The following DSC1 variants were observed in gnomAD, a reference collection of about 807,000 sequenced individuals.
The protein encoded by DSC1 is desmocollin-1.
A neutral mutation model predicts 98.8 loss-of-function variants in DSC1; 79 were observed. That is an observed-to-expected ratio of 0.80 (90% CI 0.67 to 0.96). DSC1 has a LOEUF of 0.96. Among genes scored for constraint, DSC1 ranks in the 50% least tolerant of loss-of-function variants. The pLI is 0.00. For missense variants in DSC1, 1,115 were observed against 1,075.9 expected, an observed-to-expected ratio of 1.04 and a Z score of -0.51; for synonymous variants, 405 against 372.1, an observed-to-expected ratio of 1.09 and a Z score of -1.02.
chr18:31,137,382 A>G (rs139165041), intron 11 of DSC1, among the ~76,000 whole-genome samples: 3 of 152,296 alleles, frequency 2.0e-5, no homozygotes, highest in Admixed American at 1.3e-4. Context: ...CTACATTAAA[A>G]TCAGTTTTCC....
At chr18:31,132,796 G>T in intron 13 of DSC1, 107 bp from the exon 14 acceptor site, 1 of 1,025,408 alleles carries the variant, frequency 9.8e-7, no homozygotes, top group Non-Finnish European at 1.4e-6. Context: ...TCCACAAATT[G>T]AGCTCTTCAG....
Position 31,130,339 on chromosome 18 carries a change from T to C in DSC1, c.*175A>G. 2 of 681,376 alleles carry C rather than the reference T, an allele frequency of 2.9e-6. No individual in the cohort carries two copies. Among genetic ancestry groups the C allele is most frequent in the South Asian group, 4.0e-5 (2 of 49,936 alleles). 42.2% of individuals were successfully genotyped at this position (681,376 alleles called of 1,614,324 possible). On this transcript the variant is annotated 3_prime_UTR_variant, in exon 16 of 16. Coordinates refer to ENST00000257198, the MANE Select transcript of DSC1 (RefSeq NM_024421.2). Reference sequence around the variant, plus strand: ...ACAAAACCTTGATTTCTAGAGAACATGGAAGTTATACCAGACAAGGAGAAT... The same window carrying C: ...ACAAAACCTTGATTTCTAGAGAACACGGAAGTTATACCAGACAAGGAGAAT...
chr18:31,154,434 T>A (rs1989055460), intron 5 of DSC1, among the ~76,000 whole-genome samples: 1 of 152,174 alleles, frequency 6.6e-6, no homozygotes, highest in African/African-American at 2.4e-5. Flanking sequence ...CTCACATGAC[T>A]TATAATGTAC....
chr18:31,157,412 G>T lies in DSC1; in HGVS notation c.310C>A (p.Gln104Lys). ...GACAGTACAACTTTTATCTCTTGTT[G>T]TTCCCGTCTCTGACCATCTGAAAGG... ...IFLSDGQRRE[Q>K]QEIKVVLSAR... The change falls in exon 3 of 16, where the codon CAA (glutamine) becomes AAA (lysine). Residue 104 changes from glutamine to lysine, a missense_variant. Coordinates refer to ENST00000257198, the MANE Select transcript of DSC1 (RefSeq NM_024421.2). 2 of 1,614,088 alleles carry T rather than the reference G, an allele frequency of 1.2e-6. No homozygotes were observed. The highest frequency in any genetic ancestry group is 8.5e-7 in the Non-Finnish European group (1 of 1,179,992).
rs1568002827 is a variant in DSC1 at position 31,150,354 on chromosome 18, C to CCATCATCACCACCACCATCAGCAGCAG, written c.628-1713_628-1712insCTGCTGCTGATGGTGGTGGTGATGATG. Reference sequence around the variant, plus strand: ...ACCACCACTACCATCACCACCACCACCACCATCATCACCACCACCATCATC... The same window carrying CCATCATCACCACCACCATCAGCAGCAG: ...ACCACCACTACCATCACCACCACCACCATCATCACCACCACCATCAGCAGCAGCACCATCATCACCACCACCATCATC... On this transcript the variant is annotated intron_variant, in intron 5 of 15. Coordinates refer to ENST00000257198, the MANE Select transcript of DSC1 (RefSeq NM_024421.2). 4.5e-5 allele frequency among the ~76,000 whole-genome samples: 4 copies of CCATCATCACCACCACCATCAGCAGCAG among 88,352 alleles called. 1 individual carries two copies. Among genetic ancestry groups the CCATCATCACCACCACCATCAGCAGCAG allele is most frequent in the African/African-American group, 4.5e-5 (1 of 22,236 alleles). 58.0% of individuals were successfully genotyped at this position (88,352 alleles called of 152,430 possible). A position where few individuals can be genotyped will look rare whatever the true frequency, so the allele number is the denominator to read the frequency against.
Position 31,129,437 on chromosome 18 carries a change from T to C in DSC1, c.*1077A>G, listed in dbSNP as rs1466933463. 1 of 152,050 alleles carries C rather than the reference T, an allele frequency of 6.6e-6. No individual in the cohort carries two copies. Among genetic ancestry groups the C allele is most frequent in the African/African-American group, 2.4e-5 (1 of 41,406 alleles). The allele number at this position is 152,050 out of a possible 1,614,324, so 9.4% of individuals were successfully genotyped here. Reference sequence around the variant, plus strand: ...TTTAGTAGAGTGGGGGTTTCTCATATACATTCTAGTCCCTAATTCTGACTG... The same window carrying C: ...TTTAGTAGAGTGGGGGTTTCTCATACACATTCTAGTCCCTAATTCTGACTG... On this transcript the variant is annotated 3_prime_UTR_variant, in exon 16 of 16. Transcript: ENST00000257198.
intron 2 of DSC1, among the ~76,000 whole-genome samples, chr18:31,159,046 G>GGTTTTTTTTTTTT (rs1989154641): frequency 1.6e-5 from 1 of 64,208 alleles, no homozygotes; most frequent in Non-Finnish European, 2.8e-5. Flanking sequence ...GCTACTATGT[G>GGTTTTTTTTTTTT]GTTTTTTTTT....
chr18:31,156,592 A>G (rs1340616990), intron 3 of DSC1, among the ~76,000 whole-genome samples: 1 of 152,224 alleles, frequency 6.6e-6, no homozygotes, highest in African/African-American at 2.4e-5. Context: ...TTGATTTTAT[A>G]TAATGTGGGG....
In DSC1 at chr18:31,142,008, A is replaced by G. The variant is rs764774038; in HGVS notation, c.1251T>C (p.Cys417=). The change falls in exon 9 of 16, where the codon TGT becomes TGC. Residue 417 remains cysteine, a synonymous_variant. Coordinates refer to ENST00000257198, the MANE Select transcript of DSC1 (RefSeq NM_024421.2). ...TATTTTATTTGTTTACCTTGACAAC[A>G]CACAGCACTCCTTCATTTGTATTTG... ...TDPNTNEGVL[C]VVKPLNYEVN... is the part of the protein sequence containing the mutation. 3.1e-6 allele frequency: 5 copies of G among 1,604,482 alleles called. No homozygotes were observed. In the South Asian group the frequency reaches 5.6e-5, roughly 18 times the overall value.
At position 31,159,425 on chromosome 18, in the gene DSC1, C is replaced by CT; in HGVS notation, c.148+19dup. On this transcript the variant is annotated intron_variant, in intron 2 of 15. Coordinates refer to ENST00000257198, the MANE Select transcript of DSC1 (RefSeq NM_024421.2). Reference sequence around the variant, plus strand: ...AATGTGACAAGTTACAGCTATGAAACTGTTAATAGTGTTTCTCACCTTTGC... The same window carrying CT: ...AATGTGACAAGTTACAGCTATGAAACTTGTTAATAGTGTTTCTCACCTTTGC... 1.2e-6 allele frequency: 2 copies of CT among 1,607,044 alleles called. No homozygotes were observed. The highest frequency in any genetic ancestry group is 1.7e-6 in the Non-Finnish European group (2 of 1,175,514).
At chr18:31,134,443 ATTG>A in intron 12 of DSC1, 126 bp downstream of exon 12, 2 of 875,050 alleles carry the variant, frequency 2.3e-6, no homozygotes, top group South Asian at 1.9e-5. Context: ...AAGATTAGGT[ATTG>A]TTGTTTTTAG....
rs1157579921 is a variant in DSC1 at position 31,150,297 on chromosome 18, CCAT to C, written c.628-1658_628-1656del. Among the ~76,000 whole-genome samples the C allele has an allele frequency of 1.3e-4, 6 of 46,418 alleles. 1 individual carries two copies. In the East Asian group the frequency reaches 1.6e-3, roughly 13 times the overall value. 30.5% of individuals were successfully genotyped at this position (46,418 alleles called of 152,430 possible). A position where few individuals can be genotyped will look rare whatever the true frequency, so the allele number is the denominator to read the frequency against. On this transcript the variant is annotated intron_variant, in intron 5 of 15. Transcript: ENST00000257198. ...ACTACCATCACCACCACCACCACTA[CCAT>C]CATCACCACCACTACTACCATCATC...
chr18:31,144,879 G>A (rs1278974568), intron 7 of DSC1, among the ~76,000 whole-genome samples: 1 of 152,012 alleles, frequency 6.6e-6, no homozygotes, highest in Non-Finnish European at 1.5e-5. Flanking sequence ...TAGCAGGGAA[G>A]GCTATGTGTG....
intron 7 of DSC1, 24 bp from the exon 8 acceptor site, chr18:31,143,815 T>G: frequency 6.5e-7 from 1 of 1,533,102 alleles, no homozygotes; most frequent in South Asian, 1.3e-5. Context: ...AAAAACTACA[T>G]TAATGAACAC....
At position 31,147,875 on chromosome 18, in the gene DSC1, G is replaced by A. The variant is rs1406149909; in HGVS notation, c.772+623C>T. On this transcript the variant is annotated intron_variant, in intron 6 of 15. Transcript: ENST00000257198. ...ATGTTTGATTACATCACTTTTTTTGGAGTATTTTTCTTGCTTTGAAGGAAA... is the reference window on the plus strand; with the variant it reads ...ATGTTTGATTACATCACTTTTTTTGAAGTATTTTTCTTGCTTTGAAGGAAA... Among the ~76,000 whole-genome samples the A allele has an allele frequency of 3.3e-5, 5 of 151,852 alleles. No homozygotes were observed. The East Asian group carries it at 9.6e-4, about 29-fold the overall frequency.
chr18:31,134,071 T>C lies in DSC1; in HGVS notation c.1936A>G (p.Ile646Val). ...AAACCATGCCTGTCTTTTATTTGAA[T>C]AGGCACAGAATAATAGTTATAATCA... ...NLDYNYYSVP[I>V]QIKDRHGLVA... Residue 646 changes from isoleucine (I) to valine (V), a missense_variant, in exon 13 of 16, where the codon ATT (isoleucine) becomes GTT (valine). By Grantham distance (29) the Ile-to-Val change is conservative. Transcript: ENST00000257198. The C allele has an allele frequency of 1.2e-6, 2 of 1,611,098 alleles. No individual in the cohort carries two copies. The highest frequency in any genetic ancestry group is 1.7e-6 in the Non-Finnish European group (2 of 1,179,514).
At chr18:31,139,391 C>T (rs1339433277) in intron 11 of DSC1, among the ~76,000 whole-genome samples, 1 of 152,012 alleles carries the variant, frequency 6.6e-6, no homozygotes, top group Non-Finnish European at 1.5e-5. Flanking sequence ...CATAATGTAT[C>T]TAAACCTGTA....
At chr18:31,140,797 A>G (rs1436462165) in intron 9 of DSC1, among the ~76,000 whole-genome samples, 1 of 152,162 alleles carries the variant, frequency 6.6e-6, no homozygotes, top group East Asian at 1.9e-4. Context: ...GTTCCTGATG[A>G]AAGCGCTTGG....
intron 14 of DSC1, chr18:31,132,308 C>T (rs1988511760): frequency 2.6e-6 from 1 of 386,464 alleles, no homozygotes; most frequent in Non-Finnish European, 4.6e-6. Context: ...GACCTGCCAA[C>T]ACCTTGATCT....
Sources: gnomAD v4.1 joint callset for allele counts (sites outside exome capture counted in the v4.1 genomes callset) on GRCh38, gnomAD v4.1.1 for gene constraint, MANE v1.5 for transcripts, NCBI Gene and HGNC (gene_info 2026-07-23, HGNC 2026-07-21) for gene names.